The following SLC25A30 variants were observed in gnomAD, a reference collection of about 807,000 sequenced individuals.
SLC25A30 encodes the protein solute carrier family 25 member 30.
Under a neutral mutation model 42.7 loss-of-function variants are expected in SLC25A30, and 29 were observed. The observed-to-expected ratio is 0.68, with a 90% CI of 0.51 to 0.93. SLC25A30 has a LOEUF of 0.93. Ranked by LOEUF, SLC25A30 falls within the 40% of genes least tolerant of loss-of-function variation. The probability of loss-of-function intolerance (pLI) is 0.00; values close to 1 mark genes in which losing one functional copy is unlikely to be tolerated. For synonymous variants in SLC25A30, 124 were observed against 131.0 expected, an observed-to-expected ratio of 0.95 and a Z score of 0.37; for missense variants, 300 against 359.7, an observed-to-expected ratio of 0.83 and a Z score of 1.34.
chr13:45,395,085 T>C lies in SLC25A30; in HGVS notation c.*889A>G. On this transcript the variant is annotated 3_prime_UTR_variant, in exon 10 of 10. Transcript: ENST00000519676. Reference sequence around the variant, plus strand: ...TGTTTAGAGCTGTTCCACAGCATGATGTAAACACATTTACCTTTCCAGTCA... The same window carrying C: ...TGTTTAGAGCTGTTCCACAGCATGACGTAAACACATTTACCTTTCCAGTCA... 1.0e-6 allele frequency: 1 copy of C among 985,518 alleles called. No individual in the cohort carries two copies. The highest frequency in any genetic ancestry group is 1.2e-6 in the Non-Finnish European group (1 of 829,956). The allele number at this position is 985,518 out of a possible 1,614,324, so 61.0% of individuals were successfully genotyped here. A position where few individuals can be genotyped will look rare whatever the true frequency, so the allele number is the denominator to read the frequency against.
intron 1 of SLC25A30, chr13:45,411,735 T>G (rs986070881): frequency 5.7e-5 from 22 of 388,660 alleles, no homozygotes; most frequent in Admixed American, 1.1e-4. Context: ...TTTGATACCT[T>G]GGTATGCGTG....
At chr13:45,411,206 C>T (rs1388388554) in intron 2 of SLC25A30, among the ~76,000 whole-genome samples, 156 bp downstream of exon 2, 2 of 152,142 alleles carry the variant, frequency 1.3e-5, no homozygotes, top group African/African-American at 4.8e-5. Context: ...TACTAAAGTG[C>T]TGAGATTATA....
chr13:45,409,420 T>C (rs960655410), intron 2 of SLC25A30, among the ~76,000 whole-genome samples: 2 of 152,232 alleles, frequency 1.3e-5, no homozygotes, highest in African/African-American at 4.8e-5. Context: ...ATTCTGTATA[T>C]AAATGAAGGT....
the SLC25A30 span, among the ~76,000 whole-genome samples, chr13:45,425,595 TACATATATATATAC>T: frequency 6.0e-5 from 3 of 49,588 alleles, no homozygotes; most frequent in African/African-American, 2.4e-4. Flanking sequence ...AATATATATA[TACATATATATATAC>T]ATATATAAAT....
At chr13:45,396,629 A>G (rs969067862) in intron 9 of SLC25A30, 1 of 155,474 alleles carries the variant, frequency 6.4e-6, no homozygotes, top group African/African-American at 2.4e-5. Flanking sequence ...AAAATTAGCC[A>G]GGCGTGGTTT....
At chr13:45,401,329 C>A in intron 6 of SLC25A30, 122 bp from the exon 7 acceptor site, 1 of 1,004,710 alleles carries the variant, frequency 1.0e-6, no homozygotes. Flanking sequence ...TCTGGGGAGG[C>A]AGAAATGTAG....
intron 7 of SLC25A30, 118 bp from the exon 8 acceptor site, chr13:45,399,196 G>A (rs539083046): frequency 1.0e-4 from 115 of 1,144,422 alleles, no homozygotes; most frequent in Admixed American, 2.6e-4. Context: ...TGTGGTTTTC[G>A]TGTTTTGTTT....
chr13:45,427,289 C>T, the SLC25A30 span, among the ~76,000 whole-genome samples: 28 of 152,258 alleles, frequency 1.8e-4, no homozygotes, highest in African/African-American at 6.5e-4. Context: ...CTCTGAAGGT[C>T]CTTTGTCTGC....
the SLC25A30 span, among the ~76,000 whole-genome samples, chr13:45,425,474 AAG>A: frequency 1.0e-5 from 1 of 97,724 alleles, no homozygotes; most frequent in Non-Finnish European, 2.0e-5. Context: ...AAATATATAT[AAG>A]CATATATAAA....
chr13:45,406,720 A>G (rs1882546949), intron 3 of SLC25A30, among the ~76,000 whole-genome samples: 1 of 152,216 alleles, frequency 6.6e-6, no homozygotes, highest in African/African-American at 2.4e-5. Context: ...TTGCTAAGTT[A>G]AATGAGGCTT....
chr13:45,400,583 C>G (rs544725070), intron 7 of SLC25A30, among the ~76,000 whole-genome samples: 1 of 152,264 alleles, frequency 6.6e-6, no homozygotes, highest in South Asian at 2.1e-4. Context: ...TGCAGCCTCA[C>G]CTTCCTGAGC....
chr13:45,410,922 A>G (rs1882958443), intron 2 of SLC25A30, among the ~76,000 whole-genome samples: 1 of 152,188 alleles, frequency 6.6e-6, no homozygotes, highest in South Asian at 2.1e-4. Flanking sequence ...TTTTGTCTTA[A>G]AAAGCATTAC....
the SLC25A30 span, among the ~76,000 whole-genome samples, chr13:45,425,548 AT>A: frequency 3.5e-4 from 37 of 104,652 alleles, 1 homozygote; most frequent in African/African-American, 1.1e-3. Flanking sequence ...GTATATATAT[AT>A]AAGTATATAT....
chr13:45,424,805 TA>T, the SLC25A30 span, among the ~76,000 whole-genome samples: 310 of 57,376 alleles, frequency 5.4e-3, 66 homozygotes, highest in South Asian at 0.024. Flanking sequence ...TATAAATATA[TA>T]AAAAAATATA....
Position 45,394,322 on chromosome 13 carries a change from C to T in SLC25A30, c.*1652G>A, listed in dbSNP as rs1881159309. The T allele has an allele frequency of 3.1e-6, 3 of 965,086 alleles. No individual in the cohort carries two copies. Among genetic ancestry groups the T allele is most frequent in the Non-Finnish European group, 3.6e-6 (3 of 826,330 alleles). 59.8% of individuals were successfully genotyped at this position (965,086 alleles called of 1,614,324 possible). A position where few individuals can be genotyped will look rare whatever the true frequency, so the allele number is the denominator to read the frequency against. On this transcript the variant is annotated 3_prime_UTR_variant, in exon 10 of 10. Transcript: ENST00000519676. ...AGCTCTCACTTTTGGAAATAATATT[C>T]AAAGGGACCATTCATGCATAAGGAA...
At chr13:45,424,426 A>AAT in the SLC25A30 span, among the ~76,000 whole-genome samples, 243 of 45,430 alleles carry the variant, frequency 5.3e-3, 11 homozygotes, top group African/African-American at 0.021. Context: ...TAAATATATG[A>AAT]ATATATATAT....
chr13:45,395,366 G>A lies in SLC25A30; in HGVS notation c.*608C>T. 1 of 986,568 alleles carries A rather than the reference G, an allele frequency of 1.0e-6. No individual in the cohort carries two copies. The highest frequency in any genetic ancestry group is 4.7e-5 in the South Asian group (1 of 21,334). The allele number at this position is 986,568 out of a possible 1,614,324, so 61.1% of individuals were successfully genotyped here. ...TGTAACAATTTCTCACAAATGTCAA[G>A]TCTTCAAAGCTTAAAATCACTTATT... On this transcript the variant is annotated 3_prime_UTR_variant, in exon 10 of 10. Coordinates refer to ENST00000519676, the MANE Select transcript of SLC25A30 (RefSeq NM_001010875.4).
the SLC25A30 span, among the ~76,000 whole-genome samples, chr13:45,424,805 TAA>T: frequency 1.9e-3 from 108 of 57,366 alleles, 9 homozygotes; most frequent in African/African-American, 7.0e-3. Context: ...TATAAATATA[TAA>T]AAAAATATAA....
the SLC25A30 span, among the ~76,000 whole-genome samples, chr13:45,431,892 CA>C: frequency 3.3e-5 from 5 of 152,008 alleles, no homozygotes; most frequent in Non-Finnish European, 7.4e-5. Flanking sequence ...GAGCTCAAAC[CA>C]AAAACCAAGG....
Sources: gnomAD v4.1 joint callset for allele counts (sites outside exome capture counted in the v4.1 genomes callset) on GRCh38, gnomAD v4.1.1 for gene constraint, MANE v1.5 for transcripts, NCBI Gene and HGNC (gene_info 2026-07-23, HGNC 2026-07-21) for gene names.